Variants in INSR observed in about 807,000 individuals in gnomAD.
INSR encodes the protein IR.
INSR carries 67 observed loss-of-function variants against 142.6 expected under a neutral mutation model. The observed-to-expected ratio is 0.47, with a 90% confidence interval of 0.39 to 0.58. The LOEUF is 0.58. Among genes scored for constraint, INSR ranks in the 20% least tolerant of loss-of-function variants. The pLI is 0.00. For synonymous variants in INSR, 756 were observed against 743.1 expected (o/e 1.02, Z -0.28); for missense variants, 1,248 against 1,833.2 (o/e 0.68, Z 5.83).
At position 7,216,892 on chromosome 19, in the gene INSR, G is replaced by GTTGAGC. The variant is rs1400993451; in HGVS notation, c.653-32256_653-32255insGCTCAA. 2.6e-3 allele frequency among the ~76,000 whole-genome samples: 402 copies of GTTGAGC among 152,188 alleles called. 4 individuals carry two copies. Among genetic ancestry groups the GTTGAGC allele is most frequent in the African/African-American group, 9.1e-3 (379 of 41,514 alleles). On this transcript the variant is annotated intron_variant, in intron 2 of 21. Coordinates refer to ENST00000302850, the MANE Select transcript of INSR (RefSeq NM_000208.4). This position sits in a 1 kb window ranked among gnomAD's most constrained non-coding sequence, Gnocchi z 4.2. Reference sequence around the variant, plus strand: ...AATGGTGCAATCATGGCTCACTGCAGCCTCGAACTCCTGGGCTCAAGCAAT... The same window carrying GTTGAGC: ...AATGGTGCAATCATGGCTCACTGCAGTTGAGCCCTCGAACTCCTGGGCTCAAGCAAT...
chr19:7,252,926 C>T (rs10422585), intron 2 of INSR, among the ~76,000 whole-genome samples: 2 of 151,866 alleles, frequency 1.3e-5, no homozygotes, highest in African/African-American at 2.4e-5. Context: ...CCATCCTGGC[C>T]AACATGGTGA....
At chr19:7,278,187 G>A (rs1968115253) in intron 1 of INSR, among the ~76,000 whole-genome samples, 1 of 152,152 alleles carries the variant, frequency 6.6e-6, no homozygotes, top group Non-Finnish European at 1.5e-5. Context: ...GTGAACCAGT[G>A]AAGACAAAGG....
At chr19:7,217,694 G>T (rs1316936175) in intron 2 of INSR, among the ~76,000 whole-genome samples, 1 of 152,130 alleles carries the variant, frequency 6.6e-6, no homozygotes, top group Non-Finnish European at 1.5e-5. Context: ...CAAGTAGGTG[G>T]GACTACAGGA....
intron 2 of INSR, among the ~76,000 whole-genome samples, chr19:7,221,288 C>T (rs1975602913): frequency 6.6e-6 from 1 of 151,958 alleles, no homozygotes; most frequent in Non-Finnish European, 1.5e-5. Flanking sequence ...GTGGGAGAAT[C>T]TCTTGAACCC....
At chr19:7,230,411 A>AATT (rs768690058) in intron 2 of INSR, among the ~76,000 whole-genome samples, 21 of 152,262 alleles carry the variant, frequency 1.4e-4, no homozygotes, top group South Asian at 1.0e-3. Flanking sequence ...TCCCTCTGCA[A>AATT]ATTAGGAATC....
chr19:7,196,058 C>G (rs1974739730), intron 2 of INSR, among the ~76,000 whole-genome samples: 1 of 152,050 alleles, frequency 6.6e-6, no homozygotes, highest in African/African-American at 2.4e-5. Flanking sequence ...GCCTCAGCCT[C>G]CCGAGTAGCT....
intron 14 of INSR, among the ~76,000 whole-genome samples, 161 bp from the exon 15 acceptor site, chr19:7,129,115 G>A (rs1972716840): frequency 6.6e-6 from 1 of 152,058 alleles, no homozygotes; most frequent in South Asian, 2.1e-4. Flanking sequence ...TTTTCCAGCA[G>A]TCCCGAAACA....
intron 2 of INSR, among the ~76,000 whole-genome samples, chr19:7,241,172 A>ATT (rs1241088827): frequency 1.8e-5 from 2 of 113,646 alleles, no homozygotes; most frequent in African/African-American, 6.7e-5. Context: ...TTTTTATTTT[A>ATT]TTTTGTTTTT....
intron 2 of INSR, among the ~76,000 whole-genome samples, chr19:7,190,368 GGTTT>G: frequency 1.6e-5 from 2 of 126,200 alleles, no homozygotes; most frequent in South Asian, 4.9e-4. Flanking sequence ...GTTCTTTGGT[GGTTT>G]TTTTTTTTTT....
rs149664826 is a variant in INSR at position 7,268,412 on chromosome 19, C to A, written c.101-516G>T. The A allele has an allele frequency of 1.5e-3, 1,502 of 984,916 alleles. 18 individuals are homozygous for A. In the African/African-American group the frequency reaches 0.025, roughly 16 times the overall value. The allele number at this position is 984,916 out of a possible 1,614,324, so 61.0% of individuals were successfully genotyped here. On this transcript the variant is annotated intron_variant, in intron 1 of 21. Coordinates refer to ENST00000302850, the MANE Select transcript of INSR (RefSeq NM_000208.4). ...GCAATCAAGACCTAATTACCTTTTA[C>A]CTGGGTGTGGTGAGGGCTTCCCAGG...
rs182621784 is a variant in INSR at position 7,280,212 on chromosome 19, C to T, written c.101-12316G>A. Among the ~76,000 whole-genome samples the T allele has an allele frequency of 6.0e-3, 914 of 151,090 alleles. 5 individuals carry two copies. Among genetic ancestry groups the T allele is most frequent in the African/African-American group, 0.021 (880 of 41,220 alleles). On this transcript the variant is annotated intron_variant, in intron 1 of 21. Coordinates refer to ENST00000302850, the MANE Select transcript of INSR (RefSeq NM_000208.4). Reference sequence around the variant, plus strand: ...CCGGGAGGCGGAGCTTGCAGTGAGTCGAGACTGCGCCACTGCACTCCAGCC... The same window carrying T: ...CCGGGAGGCGGAGCTTGCAGTGAGTTGAGACTGCGCCACTGCACTCCAGCC...
chr19:7,258,408 C>T (rs1976960929), intron 2 of INSR, among the ~76,000 whole-genome samples: 1 of 124,264 alleles, frequency 8.0e-6, no homozygotes, highest in Non-Finnish European at 1.9e-5. Context: ...GAGACCCCAT[C>T]TCTAAAAATA....
intron 2 of INSR, among the ~76,000 whole-genome samples, chr19:7,198,082 T>C (rs78012254): frequency 0.044 from 6,621 of 151,554 alleles, 486 homozygotes; most frequent in African/African-American, 0.15. Context: ...TGTGTGCCCA[T>C]GGGGGCGAGG....
At chr19:7,161,312 T>G (rs1329217072) in intron 9 of INSR, among the ~76,000 whole-genome samples, 2 of 151,750 alleles carry the variant, frequency 1.3e-5, no homozygotes, top group African/African-American at 4.8e-5. Flanking sequence ...CAGGCTGGAG[T>G]GCACTGGAAT....
intron 1 of INSR, among the ~76,000 whole-genome samples, chr19:7,293,403 C>A (rs1161744836): frequency 1.3e-5 from 2 of 152,174 alleles, no homozygotes; most frequent in Admixed American, 1.3e-4. Flanking sequence ...CTTGGCTGTT[C>A]GGGGCTGTCC....
chr19:7,293,708 A>C, intron 1 of INSR, 84 bp downstream of exon 1: 1 of 1,158,280 alleles, frequency 8.6e-7, no homozygotes, highest in Non-Finnish European at 1.1e-6. Context: ...TTCTCAGTCC[A>C]CAAGCGGGGG....
rs138289202 is a variant in INSR at position 7,197,719 on chromosome 19, A to AGTGTGTGT, written c.653-13090_653-13083dup. On this transcript the variant is annotated intron_variant, in intron 2 of 21. Transcript: ENST00000302850. ...TGTGTTTGGCAGGTTCCAGAGTGGG[A>AGTGTGTGT]GTGTGTGTGTGTGTGTGATTGGCAG... Among the ~76,000 whole-genome samples the AGTGTGTGT allele has an allele frequency of 1.0e-3, 55 of 55,014 alleles. 2 individuals carry two copies. Among genetic ancestry groups the AGTGTGTGT allele is most frequent in the African/African-American group, 3.9e-3 (47 of 12,138 alleles). The allele number at this position is 55,014 out of a possible 152,430, so 36.1% of individuals were successfully genotyped here.
At chr19:7,262,546 C>T (rs553819586) in intron 2 of INSR, among the ~76,000 whole-genome samples, 1 of 152,280 alleles carries the variant, frequency 6.6e-6, no homozygotes, top group Non-Finnish European at 1.5e-5. Flanking sequence ...AAGCTAGATG[C>T]GTCAACAGCA....
intron 2 of INSR, among the ~76,000 whole-genome samples, chr19:7,254,003 T>C (rs1229514089): frequency 7.2e-6 from 1 of 139,236 alleles, no homozygotes; most frequent in African/African-American, 2.8e-5. Context: ...TGCTCCAGCC[T>C]GGGTGACAGA....
Sources: allele counts gnomAD v4.1 joint callset (sites outside exome capture counted in the v4.1 genomes callset), GRCh38; gene constraint gnomAD v4.1.1; non-coding constraint Gnocchi (gnomAD v3.1); transcripts MANE v1.5; gene names NCBI Gene and HGNC (gene_info 2026-07-23, HGNC 2026-07-21).